Variants in WDFY2 observed in about 807,000 individuals in gnomAD.
WDFY2 encodes the protein WD repeat and FYVE domain containing 2.
Under a neutral mutation model 56.4 loss-of-function variants are expected in WDFY2, and 36 were observed. The observed-to-expected ratio is 0.64, with a 90% CI of 0.49 to 0.84. The LOEUF is 0.84. WDFY2 is among the 40% of genes least tolerant of loss of function. The pLI, the probability that WDFY2 is intolerant of heterozygous loss-of-function variation, is 0.00. For missense variants in WDFY2, 444 were observed against 512.2 expected (o/e 0.87, Z 1.29); for synonymous variants, 176 against 183.7 (o/e 0.96, Z 0.34).
At position 51,660,975 on chromosome 13, in the gene WDFY2, T is replaced by G. The variant is rs567148539; in HGVS notation, c.205+312T>G. 1.7e-4 allele frequency among the ~76,000 whole-genome samples: 26 copies of G among 152,346 alleles called. No individual in the cohort carries two copies. The South Asian group carries it at 5.2e-3, about 30-fold the overall frequency. ...TCAGCTATTTTGTAAAGTATGTCCT[T>G]AGGCAATTCAAAATTTTGTCCAGTG... On this transcript the variant is annotated intron_variant, in intron 2 of 11. Transcript: ENST00000298125.
chr13:51,701,289 G>A lies in WDFY2; in HGVS notation c.280-2307G>A, dbSNP rs149119229. 8.5e-3 allele frequency among the ~76,000 whole-genome samples: 1,294 copies of A among 152,096 alleles called. 19 individuals carry two copies. Among genetic ancestry groups the A allele is most frequent in the African/African-American group, 0.029 (1,208 of 41,494 alleles). On this transcript the variant is annotated intron_variant, in intron 3 of 11. Transcript: ENST00000298125. Reference sequence around the variant, plus strand: ...TGTAATCCCAGCACTTTGGGAACCCGAGGCAGGCGGATCACGAGGTCAGGA... The same window carrying A: ...TGTAATCCCAGCACTTTGGGAACCCAAGGCAGGCGGATCACGAGGTCAGGA...
intron 2 of WDFY2, among the ~76,000 whole-genome samples, chr13:51,674,786 A>G (rs1437826445): frequency 6.6e-6 from 1 of 152,168 alleles, no homozygotes; most frequent in East Asian, 1.9e-4. Flanking sequence ...TGTCTAGTTC[A>G]GAAAGGATAG....
intron 1 of WDFY2, among the ~76,000 whole-genome samples, chr13:51,636,705 A>G (rs1294608409): frequency 6.6e-6 from 1 of 152,196 alleles, no homozygotes; most frequent in Non-Finnish European, 1.5e-5. Flanking sequence ...TTGGATCATG[A>G]TCCATCTAGA....
chr13:51,675,284 C>G (rs375772607), intron 3 of WDFY2, 41 bp downstream of exon 3: 13 of 1,541,752 alleles, frequency 8.4e-6, no homozygotes, highest in South Asian at 1.1e-5. Flanking sequence ...AAATACTTCC[C>G]TTCCTGTGGA....
intron 3 of WDFY2, among the ~76,000 whole-genome samples, chr13:51,691,565 T>G (rs1241309001): frequency 2.6e-5 from 4 of 152,196 alleles, no homozygotes; most frequent in African/African-American, 9.6e-5. Flanking sequence ...TATCTCTGTT[T>G]TGGTACCAGT....
chr13:51,623,398 G>A (rs1954778294), intron 1 of WDFY2, among the ~76,000 whole-genome samples: 1 of 152,088 alleles, frequency 6.6e-6, no homozygotes, highest in Non-Finnish European at 1.5e-5. Context: ...TGAAAGAACA[G>A]TGTGCCTTAC....
In WDFY2 at chr13:51,727,699, T is replaced by C. The variant is rs1208489038; in HGVS notation, c.507T>C (p.His169=). 6.2e-7 allele frequency: 1 copy of C among 1,613,844 alleles called. No homozygotes were observed. The highest frequency in any genetic ancestry group is 1.1e-5 in the South Asian group (1 of 90,970). Residue 169 remains histidine (H), a synonymous_variant, in exon 6 of 12, where the codon CAT becomes CAC. Transcript: ENST00000298125. ...SGLQFDVETR[H]VFIGDHSGQV... The stretch of plus-strand genomic sequence containing the variant: ...ACAGATTTGATGTTGAAACCCGGCA[T>C]GTGTTTATCGGTGACCACTCAGGCC...
chr13:51,709,789 A>G (rs948697434), intron 4 of WDFY2, among the ~76,000 whole-genome samples: 1 of 152,204 alleles, frequency 6.6e-6, no homozygotes, highest in Non-Finnish European at 1.5e-5. Context: ...TGAGGCAATA[A>G]TTAATAGGCT....
At chr13:51,745,917 C>T (rs758482508) in intron 7 of WDFY2, among the ~76,000 whole-genome samples, 1 of 151,280 alleles carries the variant, frequency 6.6e-6, no homozygotes, top group Non-Finnish European at 1.5e-5. Flanking sequence ...TTCACTTCTA[C>T]CTGGAAGTTT....
intron 4 of WDFY2, 102 bp downstream of exon 4, chr13:51,703,752 C>CA: frequency 1.1e-6 from 1 of 941,834 alleles, no homozygotes; most frequent in South Asian, 1.7e-5. Flanking sequence ...ATCAGGGAAA[C>CA]AAAACAGAGC....
At position 51,762,834 on chromosome 13, in the gene WDFY2, C is replaced by T. The variant is rs1353175673; in HGVS notation, c.*3065C>T. 6.6e-6 allele frequency: 1 copy of T among 152,218 alleles called. No homozygotes were observed. The highest frequency in any genetic ancestry group is 2.4e-5 in the African/African-American group (1 of 41,454). The allele number at this position is 152,218 out of a possible 1,614,324, so 9.4% of individuals were successfully genotyped here. On this transcript the variant is annotated 3_prime_UTR_variant, in exon 12 of 12. Coordinates refer to ENST00000298125, the MANE Select transcript of WDFY2 (RefSeq NM_052950.4). ...AAGTGGCAGATCTACACATATCATA[C>T]GCAGAGTTGTTCTCTACCTGATGGG...
chr13:51,727,639 T>C (rs1427180700), intron 5 of WDFY2, 39 bp from the exon 6 acceptor site: 1 of 1,587,812 alleles, frequency 6.3e-7, no homozygotes, highest in Non-Finnish European at 8.6e-7. Flanking sequence ...AATTCCCTCA[T>C]TTAATTTTGA....
At chr13:51,675,343 T>C in intron 3 of WDFY2, 100 bp downstream of exon 3, 1 of 1,132,582 alleles carries the variant, frequency 8.8e-7, no homozygotes, top group South Asian at 1.4e-5. Context: ...AAGAATTTTC[T>C]TGCTAAGTAG....
At chr13:51,689,671 A>G (rs1424681392) in intron 3 of WDFY2, among the ~76,000 whole-genome samples, 2 of 152,158 alleles carry the variant, frequency 1.3e-5, no homozygotes, top group Non-Finnish European at 2.9e-5. Flanking sequence ...GCTCATAGGC[A>G]TTTGACCGGA....
rs532441879 is a variant in WDFY2 at position 51,628,619 on chromosome 13, C to G, written c.138-31977C>G. ...GCGAGTATCCCTAGCGGCACCCCCC[C>G]TGCTGCAGCCGGCCTCTTCCGAGTG... On this transcript the variant is annotated intron_variant, in intron 1 of 11. Transcript: ENST00000298125. Among the ~76,000 whole-genome samples the G allele has an allele frequency of 3.3e-3, 503 of 152,342 alleles. 3 individuals are homozygous for G. The highest frequency in any genetic ancestry group is 0.01 in the Middle Eastern group (3 of 294).
intron 2 of WDFY2, among the ~76,000 whole-genome samples, chr13:51,662,719 A>G (rs989873478): frequency 7.2e-5 from 11 of 152,196 alleles, no homozygotes; most frequent in Non-Finnish European, 8.8e-5. Flanking sequence ...TAGGTGCTCA[A>G]TAAATACTTA....
Position 51,694,170 on chromosome 13 carries a change from T to G in WDFY2, c.280-9426T>G, listed in dbSNP as rs571431302. Among the ~76,000 whole-genome samples the G allele has an allele frequency of 2.8e-3, 426 of 152,292 alleles. 2 individuals carry two copies. The highest frequency in any genetic ancestry group is 1.0e-2 in the African/African-American group (414 of 41,552). On this transcript the variant is annotated intron_variant, in intron 3 of 11. Transcript: ENST00000298125. ...AGTCTGTGTCTCTTAATTGGAGCAT[T>G]TAGTCCATTTACATTTAAAGTTAAT...
intron 1 of WDFY2, chr13:51,588,687 A>G (rs1953989606): frequency 1.3e-5 from 2 of 152,252 alleles, no homozygotes; most frequent in East Asian, 1.9e-4. Context: ...GAAAACTCCC[A>G]TTCATTAAGA....
chr13:51,597,735 A>G (rs1038361056), intron 1 of WDFY2, among the ~76,000 whole-genome samples: 1 of 152,226 alleles, frequency 6.6e-6, no homozygotes, highest in Non-Finnish European at 1.5e-5. Context: ...TAATCATAGT[A>G]CAAAAGAAGT....
Sources: allele counts gnomAD v4.1 joint callset (sites outside exome capture counted in the v4.1 genomes callset), GRCh38; gene constraint gnomAD v4.1.1; transcripts MANE v1.5; gene names NCBI Gene and HGNC (gene_info 2026-07-23, HGNC 2026-07-21).